Variants in ZNF454 observed in about 807,000 individuals in gnomAD.
ZNF454 encodes zinc finger protein 454.
A neutral mutation model predicts 48.2 loss-of-function variants in ZNF454; 30 were observed. The ratio of observed to expected loss-of-function variants is 0.62; its 90% CI spans 0.47 to 0.84. ZNF454 has a LOEUF of 0.84. Among genes scored for constraint, ZNF454 ranks in the 40% least tolerant of loss-of-function variants. The pLI is 0.00. For synonymous variants in ZNF454, 204 were observed against 211.4 expected (o/e 0.97, Z 0.30); for missense variants, 510 against 623.1 (o/e 0.82, Z 1.93).
downstream of ZNF454, among the ~76,000 whole-genome samples, chr5:178,967,271 C>T (rs1182901995): frequency 6.6e-6 from 1 of 152,164 alleles, no homozygotes; most frequent in Non-Finnish European, 1.5e-5. Flanking sequence ...CTCCATCTGT[C>T]GCTGCCCATT....
In ZNF454 at chr5:178,942,765, C is replaced by T; in HGVS notation, c.-27C>T. On this transcript the variant is annotated 5_prime_UTR_variant, in exon 2 of 5. Coordinates refer to ENST00000519564, the MANE Select transcript of ZNF454 (RefSeq NM_001178089.3). ...TGCCTCCATAGCACTTTGCCTGTCC[C>T]TAAGAGGGCTCATCGGAGAAGAAAG... The T allele has an allele frequency of 6.2e-7, 1 of 1,614,024 alleles. No individual in the cohort carries two copies. Among genetic ancestry groups the T allele is most frequent in the Non-Finnish European group, 8.5e-7 (1 of 1,179,984 alleles).
chr5:178,979,267 T>C, the ZNF454 span: 1 of 152,064 alleles, frequency 6.6e-6, no homozygotes, highest in African/African-American at 2.4e-5. Flanking sequence ...CATAAAGAAA[T>C]GATCACAGGC....
At position 178,942,673 on chromosome 5, in the gene ZNF454, C is replaced by T; in HGVS notation, c.-107-12C>T. ...CTGTATGAGAGCTTTTGACCCAGTTCTCTCCTAATAGCAGGTGTGTGGACC... is the reference window on the plus strand; with the variant it reads ...CTGTATGAGAGCTTTTGACCCAGTTTTCTCCTAATAGCAGGTGTGTGGACC... On this transcript the variant is annotated splice_polypyrimidine_tract_variant and intron_variant, in intron 1 of 4. Transcript: ENST00000519564. 8.5e-7 allele frequency: 1 copy of T among 1,173,160 alleles called. No homozygotes were observed. The highest frequency in any genetic ancestry group is 1.3e-6 in the Non-Finnish European group (1 of 798,992). The allele number at this position is 1,173,160 out of a possible 1,614,324, so 72.7% of individuals were successfully genotyped here. A position where few individuals can be genotyped will look rare whatever the true frequency, so the allele number is the denominator to read the frequency against.
chr5:178,989,206 T>TCACCACCCCCCCCCCCCCCCC, the ZNF454 span: 1 of 218,572 alleles, frequency 4.6e-6, no homozygotes. Context: ...GCCTTCCCCC[T>TCACCACCCCCCCCCCCCCCCC]CCCCACCCTC....
chr5:178,978,347 A>T, the ZNF454 span: 2 of 152,250 alleles, frequency 1.3e-5, no homozygotes, highest in Non-Finnish European at 2.9e-5. Context: ...AGTTAAATTT[A>T]TTGAACAGGA....
chr5:178,967,880 C>T (rs182163849), downstream of ZNF454, among the ~76,000 whole-genome samples: 24 of 151,818 alleles, frequency 1.6e-4, no homozygotes, highest in East Asian at 4.3e-3. Context: ...GCTAGGTCTA[C>T]AGGCACCCAC....
At chr5:178,978,147 G>A in the ZNF454 span, among the ~76,000 whole-genome samples, 4 of 152,164 alleles carry the variant, frequency 2.6e-5, no homozygotes, top group African/African-American at 9.7e-5. Flanking sequence ...AAAATATTTA[G>A]TTTGGAATTT....
chr5:178,961,939 T>C (rs1052915783), intron 4 of ZNF454, among the ~76,000 whole-genome samples: 1 of 151,846 alleles, frequency 6.6e-6, no homozygotes, highest in African/African-American at 2.4e-5. Flanking sequence ...TATAATCAAT[T>C]GTATTTTTGC....
At position 178,965,342 on chromosome 5, in the gene ZNF454, C is replaced by T; in HGVS notation, c.938C>T (p.Ala313Val). The T allele has an allele frequency of 6.2e-7, 1 of 1,614,176 alleles. No individual in the cohort carries two copies. Among genetic ancestry groups the T allele is most frequent in the Non-Finnish European group, 8.5e-7 (1 of 1,180,032 alleles). ...NICEKAFVCR[A>V]HLTKHQNIHS... ...TGTGAAAAAGCCTTTGTGTGCAGGG[C>T]ACACCTTACCAAACACCAGAATATC... The change falls in exon 5 of 5, where the codon GCA becomes GTA. Residue 313 changes from alanine to valine, a missense_variant. Coordinates refer to ENST00000519564, the MANE Select transcript of ZNF454 (RefSeq NM_001178089.3). The surrounding 1 kb of genome is among the most constrained non-coding windows in gnomAD (Gnocchi z 5.2).
intron 4 of ZNF454, among the ~76,000 whole-genome samples, chr5:178,958,267 G>A (rs181993255): frequency 1.3e-5 from 2 of 152,200 alleles, no homozygotes; most frequent in East Asian, 1.9e-4. Context: ...CAGTCCCCTC[G>A]CAGTTTCTTT....
chr5:178,986,174 G>A, the ZNF454 span: 10 of 1,614,096 alleles, frequency 6.2e-6, no homozygotes, highest in Non-Finnish European at 8.5e-6. Flanking sequence ...TGTGAGGTGG[G>A]GCTGATGAAG....
chr5:178,950,999 A>T (rs1345858230), intron 4 of ZNF454, among the ~76,000 whole-genome samples: 1 of 151,778 alleles, frequency 6.6e-6, no homozygotes, highest in African/African-American at 2.4e-5. Flanking sequence ...AGCTGGGACT[A>T]CCGGTGCCTG....
the ZNF454 span, chr5:178,985,823 G>T: frequency 1.3e-5 from 7 of 528,724 alleles, no homozygotes; most frequent in African/African-American, 5.8e-5. Context: ...TTGTAGTGGT[G>T]CGATCTTGGC....
At chr5:178,986,577 A>G in the ZNF454 span, 1 of 1,607,374 alleles carries the variant, frequency 6.2e-7, no homozygotes, top group Non-Finnish European at 8.5e-7. Flanking sequence ...TCATGTCCCC[A>G]GGACAGGCCT....
At chr5:178,968,789 A>G (rs1265255375), downstream of ZNF454, 2 of 456,616 alleles carry the variant, frequency 4.4e-6, no homozygotes, top group East Asian at 6.9e-5. Flanking sequence ...TCTATCTGTA[A>G]TGAACGCATG....
At chr5:178,986,234 G>C in the ZNF454 span, 3 of 1,614,190 alleles carry the variant, frequency 1.9e-6, no homozygotes, top group Non-Finnish European at 2.5e-6. Context: ...CGGTAGATAC[G>C]GTTGGTCTTG....
Position 178,942,750 on chromosome 5 carries a change from G to T in ZNF454, c.-42G>T. 6.2e-7 allele frequency: 1 copy of T among 1,613,574 alleles called. No individual in the cohort carries two copies. Among genetic ancestry groups the T allele is most frequent in the Non-Finnish European group, 8.5e-7 (1 of 1,179,696 alleles). On this transcript the variant is annotated 5_prime_UTR_variant, in exon 2 of 5. Transcript: ENST00000519564. ...GTGAAGCTCCACACCTGCCTCCATA[G>T]CACTTTGCCTGTCCCTAAGAGGGCT...
chr5:178,949,680 A>G (rs182506157), intron 4 of ZNF454, among the ~76,000 whole-genome samples: 1 of 151,764 alleles, frequency 6.6e-6, no homozygotes, highest in Non-Finnish European at 1.5e-5. Flanking sequence ...GCAGTGGCGC[A>G]ATCTTGGTTC....
At chr5:178,953,841 C>G (rs1759644085) in intron 4 of ZNF454, among the ~76,000 whole-genome samples, 2 of 152,158 alleles carry the variant, frequency 1.3e-5, no homozygotes, top group Admixed American at 6.5e-5. Context: ...TGAAAACTTG[C>G]AAGATTTTCT....
Sources: allele counts gnomAD v4.1 joint callset (sites outside exome capture counted in the v4.1 genomes callset), GRCh38; gene constraint gnomAD v4.1.1; non-coding constraint Gnocchi (gnomAD v3.1); transcripts MANE v1.5; gene names NCBI Gene and HGNC (gene_info 2026-07-23, HGNC 2026-07-21).